ITGAE: variants seen among roughly 807,000 people sequenced by gnomAD.
ITGAE encodes the protein integrin alpha-E.
ITGAE carries 99 observed loss-of-function variants against 136.5 expected under a neutral mutation model. The ratio of observed to expected loss-of-function variants is 0.73; its 90% confidence interval spans 0.62 to 0.86. The LOEUF (loss-of-function observed/expected upper bound fraction) is 0.86, where lower values mean the gene tolerates loss of function less well. Ranked by LOEUF, ITGAE falls within the 40% of genes least tolerant of loss-of-function variation. ITGAE has a pLI of 0.00. For synonymous variants in ITGAE, 613 were observed against 591.8 expected (o/e 1.04, Z -0.52); for missense variants, 1,447 against 1,515.3 (o/e 0.95, Z 0.75).
intron 26 of ITGAE, chr17:3,725,238 TC>T (rs557021235): frequency 1.4e-5 from 23 of 1,614,092 alleles, no homozygotes; most frequent in Non-Finnish European, 1.9e-5. Context: ...TGCTCCGTCC[TC>T]TTGGCACTCC....
At chr17:3,797,153 ATATATTTTTTTTT>A (rs1435943424) in intron 1 of ITGAE, among the ~76,000 whole-genome samples, 4 of 21,286 alleles carry the variant, frequency 1.9e-4, no homozygotes, top group African/African-American at 7.1e-4. Flanking sequence ...ATATATATAT[ATATATTTTTTTTT>A]TTTTTTTTTT....
chr17:3,724,663 C>A (rs763658581), intron 26 of ITGAE: 2 of 1,614,196 alleles, frequency 1.2e-6, no homozygotes, highest in South Asian at 2.2e-5. Flanking sequence ...AGCCTCAGGT[C>A]AGTTCTCTTT....
intron 19 of ITGAE, among the ~76,000 whole-genome samples, chr17:3,742,533 C>A (rs1434564451): frequency 6.6e-6 from 1 of 150,392 alleles, no homozygotes; most frequent in Admixed American, 6.7e-5. Flanking sequence ...CGGTTCACTG[C>A]AACCACTGTC....
At chr17:3,800,573 A>C (rs1597382680) in intron 1 of ITGAE, among the ~76,000 whole-genome samples, 1 of 149,646 alleles carries the variant, frequency 6.7e-6, no homozygotes, top group Admixed American at 6.7e-5. Flanking sequence ...GCCTCCCCCC[A>C]CCCCACATTC....
chr17:3,782,401 CTT>C (rs1230116692), intron 1 of ITGAE, among the ~76,000 whole-genome samples: 2 of 139,654 alleles, frequency 1.4e-5, no homozygotes, highest in Non-Finnish European at 1.5e-5. Flanking sequence ...GAGTTTCGCT[CTT>C]GTCGCCCGAG....
At chr17:3,718,879 G>A (rs1285299562) in intron 29 of ITGAE, among the ~76,000 whole-genome samples, 1 of 151,994 alleles carries the variant, frequency 6.6e-6, no homozygotes, top group Admixed American at 6.6e-5. Context: ...GCAATAATGG[G>A]GCACTTCTAT....
rs540085087 is a variant in ITGAE, at chr17:3,723,613, A to G, written c.3141+75T>C. On this transcript the variant is annotated intron_variant, in intron 27 of 30. Transcript: ENST00000263087. ...TGGCCGGCAGGGGTAACCCAGGAAA[A>G]ACAGTCTCCTGGCCTCTCGTTACCC... 2.1e-6 allele frequency: 3 copies of G among 1,423,850 alleles called. No individual in the cohort carries two copies. In the South Asian group the frequency reaches 4.0e-5, roughly 19 times the overall value. The allele number at this position is 1,423,850 out of a possible 1,614,324, so 88.2% of individuals were successfully genotyped here. A position where few individuals can be genotyped will look rare whatever the true frequency, so the allele number is the denominator to read the frequency against.
intron 17 of ITGAE, among the ~76,000 whole-genome samples, chr17:3,746,667 C>A (rs1193402985): frequency 1.3e-5 from 2 of 152,058 alleles, no homozygotes; most frequent in African/African-American, 4.8e-5. Context: ...ACCATGTTAG[C>A]CAGGATGGTC....
intron 22 of ITGAE, among the ~76,000 whole-genome samples, chr17:3,731,827 C>T (rs549965859): frequency 6.6e-6 from 1 of 151,644 alleles, no homozygotes; most frequent in East Asian, 2.0e-4. Flanking sequence ...CATCCCAGCA[C>T]TTTGGGAGGT....
At chr17:3,767,355 C>T (rs2143184366) in intron 2 of ITGAE, among the ~76,000 whole-genome samples, 1 of 152,290 alleles carries the variant, frequency 6.6e-6, no homozygotes, top group Middle Eastern at 3.4e-3. Context: ...ACTTCGGCCT[C>T]CCAAATTGCT....
At position 3,798,506 on chromosome 17, in the gene ITGAE, G is replaced by A. The variant is rs2053176192; in HGVS notation, c.34+2605C>T. ...CAGAAGGCCCCTCTGCTCACCCCCA[G>A]CCTGTACTTGCCAAGGACCTCCCCG... On this transcript the variant is annotated intron_variant, in intron 1 of 30. Coordinates refer to ENST00000263087, the MANE Select transcript of ITGAE (RefSeq NM_002208.5). This position sits in a 1 kb window ranked among gnomAD's most constrained non-coding sequence, Gnocchi z 4.3. Among the ~76,000 whole-genome samples, 1 of 152,082 alleles carries A rather than the reference G, an allele frequency of 6.6e-6. No homozygotes were observed. Among genetic ancestry groups the A allele is most frequent in the Non-Finnish European group, 1.5e-5 (1 of 67,978 alleles).
chr17:3,794,461 G>C (rs536389010), intron 1 of ITGAE, among the ~76,000 whole-genome samples: 1 of 152,220 alleles, frequency 6.6e-6, no homozygotes, highest in African/African-American at 2.4e-5. Flanking sequence ...CCTGCCACCA[G>C]TGAGTCCAAG....
rs1181088766 is a variant in ITGAE, at chr17:3,766,287, A to G, written c.156-2327T>C. On this transcript the variant is annotated intron_variant, in intron 2 of 30. Coordinates refer to ENST00000263087, the MANE Select transcript of ITGAE (RefSeq NM_002208.5). ...GGCTGTAAAGCCCCAGTGTAATCAC[A>G]AAAGTCCTTCTAGGAGGGAGGCAGG... Among the ~76,000 whole-genome samples, 3 of 152,146 alleles carry G rather than the reference A, an allele frequency of 2.0e-5. No homozygotes were observed. The East Asian group carries it at 5.8e-4, about 29-fold the overall frequency.
At chr17:3,724,326 G>A in intron 26 of ITGAE, 1 of 1,587,962 alleles carries the variant, frequency 6.3e-7, no homozygotes, top group Non-Finnish European at 8.5e-7. Flanking sequence ...CACACCCTGC[G>A]GCCCGCTCCG....
intron 26 of ITGAE, chr17:3,725,327 T>C (rs1206585685): frequency 3.7e-6 from 6 of 1,614,142 alleles, no homozygotes; most frequent in Non-Finnish European, 5.1e-6. Context: ...AAAAGGTTTA[T>C]GGGGAATGCA....
At chr17:3,734,404 A>G (rs2051416014) in intron 21 of ITGAE, among the ~76,000 whole-genome samples, 1 of 152,228 alleles carries the variant, frequency 6.6e-6, no homozygotes, top group Non-Finnish European at 1.5e-5. Context: ...TTTAGAGAAT[A>G]AAATTTCTCA....
chr17:3,777,606 G>T lies in ITGAE; in HGVS notation c.89C>A (p.Pro30His). 3.1e-6 allele frequency: 5 copies of T among 1,614,072 alleles called. No homozygotes were observed. The South Asian group carries it at 3.3e-5, about 11-fold the overall frequency. Residue 30 changes from proline (P) to histidine (H), a missense_variant, in exon 2 of 31, where the codon CCC becomes CAC. Transcript: ENST00000263087. ...GAGCACGAAAGGGGCACCTCCCTTG[G>T]GCGTGAGCCAGGGCCGGGCCACATC... ...NVDVARPWLTPKGGAPFVLSS... is the reference protein window; with the variant it reads ...NVDVARPWLTHKGGAPFVLSS...
At chr17:3,777,140 T>C (rs2052561998) in intron 2 of ITGAE, among the ~76,000 whole-genome samples, 1 of 152,092 alleles carries the variant, frequency 6.6e-6, no homozygotes, top group Non-Finnish European at 1.5e-5. Flanking sequence ...TTTTCTATTT[T>C]TTAGTAGAGA....
At chr17:3,743,156 G>T (rs537014225) in intron 19 of ITGAE, among the ~76,000 whole-genome samples, 1 of 152,250 alleles carries the variant, frequency 6.6e-6, no homozygotes, top group Non-Finnish European at 1.5e-5. Flanking sequence ...CCCCATCACA[G>T]CGTCATCAGA....
Sources: gnomAD v4.1 joint callset for allele counts (sites outside exome capture counted in the v4.1 genomes callset) on GRCh38, gnomAD v4.1.1 for gene constraint, Gnocchi (gnomAD v3.1) non-coding constraint, MANE v1.5 for transcripts, NCBI Gene and HGNC (gene_info 2026-07-23, HGNC 2026-07-21) for gene names.